The following PACRG variants were observed in gnomAD, a reference collection of about 807,000 sequenced individuals.
PACRG encodes parkin coregulated gene protein.
A neutral mutation model predicts 29.7 loss-of-function variants in PACRG; 29 were observed. The observed-to-expected ratio is 0.98, with a 90% confidence interval of 0.73 to 1.33. PACRG has a LOEUF of 1.33. Among genes scored for constraint, PACRG ranks in the 40% most tolerant of loss-of-function variants. PACRG has a pLI of 0.00. For missense variants in PACRG, 279 were observed against 316.2 expected, an observed-to-expected ratio of 0.88 and a Z score of 0.89; for synonymous variants, 116 against 118.7, an observed-to-expected ratio of 0.98 and a Z score of 0.15.
intron 1 of PACRG, among the ~76,000 whole-genome samples, chr6:162,809,068 A>C (rs1226132586): frequency 6.6e-6 from 1 of 152,198 alleles, no homozygotes. Context: ...AATTATGTAT[A>C]GAATATAAAA....
At chr6:163,304,081 T>G (rs1332339298) in intron 4 of PACRG, among the ~76,000 whole-genome samples, 1 of 150,300 alleles carries the variant, frequency 6.7e-6, no homozygotes, top group Non-Finnish European at 1.5e-5. Flanking sequence ...CAAAAAGTTT[T>G]TTTTCTTCTC....
intron 4 of PACRG, among the ~76,000 whole-genome samples, chr6:163,270,070 C>A (rs1783768094): frequency 6.6e-6 from 1 of 151,624 alleles, no homozygotes; most frequent in Admixed American, 6.6e-5. Context: ...TTTCCTCCAC[C>A]AGATATTAAG....
At chr6:162,799,306 CA>C (rs1785647890) in intron 1 of PACRG, among the ~76,000 whole-genome samples, 1 of 152,166 alleles carries the variant, frequency 6.6e-6, no homozygotes, top group Non-Finnish European at 1.5e-5. Flanking sequence ...GGGCAGACAA[CA>C]TGCTGTTTAG....
chr6:163,256,810 C>T (rs141535275), intron 4 of PACRG, among the ~76,000 whole-genome samples: 1 of 152,290 alleles, frequency 6.6e-6, no homozygotes, highest in East Asian at 1.9e-4. Flanking sequence ...ATGACCGCAA[C>T]TTGGTGGCTT....
At chr6:163,054,940 A>G (rs1415361740) in intron 2 of PACRG, among the ~76,000 whole-genome samples, 1 of 152,050 alleles carries the variant, frequency 6.6e-6, no homozygotes, top group Non-Finnish European at 1.5e-5. Flanking sequence ...CAGGGATTGG[A>G]GGGAGGGAAT....
At chr6:162,872,208 G>A (rs975780669) in intron 2 of PACRG, among the ~76,000 whole-genome samples, 1 of 95,480 alleles carries the variant, frequency 1.0e-5, no homozygotes, top group Non-Finnish European at 2.1e-5. Flanking sequence ...AACTCCAGAT[G>A]CCCTAAGTTC....
intron 4 of PACRG, among the ~76,000 whole-genome samples, chr6:163,140,954 A>T (rs1817127688): frequency 6.6e-6 from 1 of 152,220 alleles, no homozygotes; most frequent in South Asian, 2.1e-4. Context: ...AATGAGCTGA[A>T]AGCTGCTCTT....
At chr6:162,744,064 G>T (rs1182559910) in intron 1 of PACRG, among the ~76,000 whole-genome samples, 3 of 151,980 alleles carry the variant, frequency 2.0e-5, no homozygotes, top group Non-Finnish European at 4.4e-5. Context: ...ATTGGTTGGG[G>T]CTTTCTGATT....
rs370683302 is a variant in PACRG, at chr6:162,932,189, A to G, written c.291+117908A>G. The stretch of plus-strand genomic sequence containing the variant: ...GAGTACGTACTTTATGTTTCCATTT[A>G]TATAAAACTCTAGAAAATATACGTT... On this transcript the variant is annotated intron_variant, in intron 2 of 4. Coordinates refer to ENST00000366888, the MANE Select transcript of PACRG (RefSeq NM_001080379.2). 1.1e-4 allele frequency among the ~76,000 whole-genome samples: 17 copies of G among 152,148 alleles called. No homozygotes were observed. In the East Asian group the frequency reaches 3.1e-3, roughly 28 times the overall value.
chr6:163,072,038 TC>T (rs1224078539), intron 3 of PACRG, among the ~76,000 whole-genome samples: 1 of 76,846 alleles, frequency 1.3e-5, no homozygotes, highest in East Asian at 4.0e-4. Context: ...CTCAAACTAT[TC>T]CCAAAAAAAA....
chr6:163,121,191 G>A (rs1362815038), intron 4 of PACRG, among the ~76,000 whole-genome samples: 1 of 152,132 alleles, frequency 6.6e-6, no homozygotes, highest in East Asian at 1.9e-4. Context: ...TCAAAAAATA[G>A]AAGTGATCAT....
intron 4 of PACRG, among the ~76,000 whole-genome samples, chr6:163,145,689 T>C (rs1389035266): frequency 6.6e-6 from 1 of 152,238 alleles, no homozygotes; most frequent in Non-Finnish European, 1.5e-5. Flanking sequence ...CGTCAGTACC[T>C]GGAGCGGTTA....
chr6:162,863,751 A>G (rs1223036905), intron 2 of PACRG, among the ~76,000 whole-genome samples: 1 of 152,234 alleles, frequency 6.6e-6, no homozygotes, highest in Non-Finnish European at 1.5e-5. Flanking sequence ...AGACTCAGAG[A>G]GTTTACTTAA....
At chr6:162,845,381 A>C (rs769572110) in intron 2 of PACRG, among the ~76,000 whole-genome samples, 12 of 149,644 alleles carry the variant, frequency 8.0e-5, no homozygotes, top group Non-Finnish European at 1.5e-4. Context: ...AGTATCATCA[A>C]TTTTTTTTTC....
At position 163,188,041 on chromosome 6, in the gene PACRG, T is replaced by C. The variant is rs1487880922; in HGVS notation, c.613+98633T>C. Among the ~76,000 whole-genome samples, 6 of 152,184 alleles carry C rather than the reference T, an allele frequency of 3.9e-5. No individual in the cohort carries two copies. The East Asian group carries it at 1.2e-3, about 29-fold the overall frequency. On this transcript the variant is annotated intron_variant, in intron 4 of 4. Coordinates refer to ENST00000366888, the MANE Select transcript of PACRG (RefSeq NM_001080379.2). ...TATCTCTTTGAAACACCCCTTACAATATTAGTTTTTAAAATTCTACTTGTT... is the reference window on the plus strand; with the variant it reads ...TATCTCTTTGAAACACCCCTTACAACATTAGTTTTTAAAATTCTACTTGTT...
intron 4 of PACRG, among the ~76,000 whole-genome samples, chr6:163,273,913 T>A (rs1371766237): frequency 6.6e-6 from 1 of 152,240 alleles, no homozygotes; most frequent in Non-Finnish European, 1.5e-5. Flanking sequence ...CCTTTTAAAT[T>A]CTTACTTGTT....
chr6:163,153,931 C>T (rs1778209123), intron 4 of PACRG, among the ~76,000 whole-genome samples: 1 of 152,174 alleles, frequency 6.6e-6, no homozygotes, highest in Non-Finnish European at 1.5e-5. Flanking sequence ...AAGAAGAAAG[C>T]AGTGATTCCC....
intron 3 of PACRG, among the ~76,000 whole-genome samples, chr6:163,069,141 C>T (rs992000677): frequency 4.6e-5 from 7 of 152,074 alleles, no homozygotes; most frequent in African/African-American, 1.7e-4. Context: ...GCTTAGACAA[C>T]AATACCCAAG....
intron 2 of PACRG, chr6:162,957,315 GT>G (rs1800125880): frequency 1.7e-6 from 1 of 590,836 alleles, no homozygotes; most frequent in Non-Finnish European, 3.1e-6. Context: ...GCTTGATCCT[GT>G]CCTGAACACA....
Sources: gnomAD v4.1 joint callset for allele counts (sites outside exome capture counted in the v4.1 genomes callset) on GRCh38, gnomAD v4.1.1 for gene constraint, MANE v1.5 for transcripts, NCBI Gene and HGNC (gene_info 2026-07-23, HGNC 2026-07-21) for gene names.